SYCE3: variants seen among roughly 807,000 people sequenced by gnomAD.
SYCE3 encodes testis highly expressed gene 2 protein.
A neutral mutation model predicts 8.1 loss-of-function variants in SYCE3; 3 were observed. The ratio of observed to expected loss-of-function variants is 0.37; its 90% confidence interval spans 0.17 to 0.96. The LOEUF (loss-of-function observed/expected upper bound fraction) is 0.96, where lower values mean the gene tolerates loss of function less well. Ranked by LOEUF, SYCE3 falls within the 40% of genes least tolerant of loss-of-function variation. The pLI is 0.41. For synonymous variants in SYCE3, 36 were observed against 38.7 expected (o/e 0.93, Z 0.26); for missense variants, 83 against 110.0 (o/e 0.75, Z 1.10).
intron 1 of SYCE3, among the ~76,000 whole-genome samples, chr22:50,560,597 T>C (rs1438747529): frequency 6.6e-6 from 1 of 152,154 alleles, no homozygotes; most frequent in African/African-American, 2.4e-5. Flanking sequence ...ACAAAATGGA[T>C]TGTGTGTACA....
chr22:50,551,833 T>C lies in SYCE3; in HGVS notation c.110-431A>G, dbSNP rs752218484. ...AGTCCTGCAAGACCCAAACCTCATGTCACCTTATGTTCAGTGGCCTGGGAT... is the reference window on the plus strand; with the variant it reads ...AGTCCTGCAAGACCCAAACCTCATGCCACCTTATGTTCAGTGGCCTGGGAT... On this transcript the variant is annotated intron_variant, in intron 2 of 2. Coordinates refer to ENST00000406915, the MANE Select transcript of SYCE3 (RefSeq NM_001123225.3). Among the ~76,000 whole-genome samples the C allele has an allele frequency of 1.1e-3, 161 of 152,152 alleles. 1 individual carries two copies. The highest frequency in any genetic ancestry group is 9.6e-4 in the Non-Finnish European group (65 of 68,024).
intron 2 of SYCE3, among the ~76,000 whole-genome samples, 166 bp downstream of exon 2, chr22:50,556,131 C>G (rs2069858283): frequency 6.6e-6 from 1 of 152,170 alleles, no homozygotes; most frequent in Admixed American, 6.6e-5. Flanking sequence ...CTGATGTATT[C>G]TCTCTCCCTA....
At chr22:50,558,995 G>A (rs1313855734) in intron 1 of SYCE3, among the ~76,000 whole-genome samples, 1 of 152,166 alleles carries the variant, frequency 6.6e-6, no homozygotes, top group African/African-American at 2.4e-5. Context: ...TTCTCTTGAT[G>A]TTTTAACCTT....
intron 1 of SYCE3, among the ~76,000 whole-genome samples, chr22:50,556,709 AATGGTGAC>A (rs1242606353): frequency 2.0e-5 from 3 of 152,234 alleles, no homozygotes; most frequent in Non-Finnish European, 4.4e-5. Context: ...AGTCTGTCAT[AATGGTGAC>A]ATGGAATTTT....
At chr22:50,559,183 G>A (rs1290035600) in intron 1 of SYCE3, among the ~76,000 whole-genome samples, 3 of 151,692 alleles carry the variant, frequency 2.0e-5, no homozygotes, top group Admixed American at 2.0e-4. Context: ...CTGGAGTGCA[G>A]TGGCGTCATA....
At chr22:50,560,171 G>A (rs982607692) in intron 1 of SYCE3, among the ~76,000 whole-genome samples, 1 of 152,238 alleles carries the variant, frequency 6.6e-6, no homozygotes, top group South Asian at 2.1e-4. Context: ...TTTAAGTTGG[G>A]AGATATTACA....
chr22:50,558,850 C>T (rs1233452419), intron 1 of SYCE3, among the ~76,000 whole-genome samples: 1 of 152,222 alleles, frequency 6.6e-6, no homozygotes, highest in Non-Finnish European at 1.5e-5. Flanking sequence ...TGTCATCTGG[C>T]ATCTGTCTCT....
At chr22:50,551,638 T>C (rs1467676638) in intron 2 of SYCE3, among the ~76,000 whole-genome samples, 1 of 152,224 alleles carries the variant, frequency 6.6e-6, no homozygotes, top group Non-Finnish European at 1.5e-5. Flanking sequence ...AACTTCTGGA[T>C]ACACCAGACA....
At chr22:50,551,504 GC>G in intron 2 of SYCE3, 102 bp from the exon 3 acceptor site, 1 of 1,285,894 alleles carries the variant, frequency 7.8e-7, no homozygotes, top group Non-Finnish European at 1.1e-6. Flanking sequence ...GCATCTGGAG[GC>G]CCAGATCCTG....
intron 1 of SYCE3, among the ~76,000 whole-genome samples, chr22:50,558,344 TC>T (rs2069880753): frequency 6.6e-6 from 1 of 151,690 alleles, no homozygotes; most frequent in Admixed American, 6.6e-5. Context: ...GGCAGGAGAA[TC>T]GCTTGAACCC....
chr22:50,552,499 A>C (rs1009496582), intron 2 of SYCE3, among the ~76,000 whole-genome samples: 6 of 152,082 alleles, frequency 3.9e-5, no homozygotes, highest in African/African-American at 1.4e-4. Flanking sequence ...CTCTACTAAA[A>C]ATATAAAAAT....
At chr22:50,558,038 T>G (rs1489435505) in intron 1 of SYCE3, among the ~76,000 whole-genome samples, 1 of 152,208 alleles carries the variant, frequency 6.6e-6, no homozygotes, top group Non-Finnish European at 1.5e-5. Context: ...CTATTCCTAG[T>G]GTTCAGCTCA....
rs552687251 is a variant in SYCE3, at chr22:50,552,581, C to G, written c.110-1179G>C. Among the ~76,000 whole-genome samples the G allele has an allele frequency of 9.1e-4, 139 of 152,156 alleles. 1 individual carries two copies. Among genetic ancestry groups the G allele is most frequent in the Non-Finnish European group, 6.9e-4 (47 of 67,998 alleles). On this transcript the variant is annotated intron_variant, in intron 2 of 2. Transcript: ENST00000406915. ...GCTGAGGCAGGAGAATCGCTTGAAC[C>G]CAGAAGGTGGAGGTTATATATACAT...
intron 1 of SYCE3, among the ~76,000 whole-genome samples, chr22:50,560,536 A>T (rs534712262): frequency 6.8e-6 from 1 of 146,140 alleles, no homozygotes; most frequent in Non-Finnish European, 1.5e-5. Flanking sequence ...GTTTCAGGAG[A>T]GCCATAAAAG....
intron 1 of SYCE3, among the ~76,000 whole-genome samples, chr22:50,561,295 G>T (rs955956164): frequency 2.6e-5 from 4 of 152,086 alleles, no homozygotes; most frequent in African/African-American, 9.7e-5. Context: ...TGGAGGCTGG[G>T]CCGGAGTGGC....
intron 1 of SYCE3, among the ~76,000 whole-genome samples, chr22:50,560,872 A>AG (rs894751639): frequency 2.6e-5 from 4 of 152,142 alleles, no homozygotes; most frequent in African/African-American, 4.8e-5. Context: ...TAGGATGGCA[A>AG]GGGGGGGATT....
At chr22:50,559,188 G>A (rs889645096) in intron 1 of SYCE3, among the ~76,000 whole-genome samples, 5 of 151,464 alleles carry the variant, frequency 3.3e-5, no homozygotes, top group East Asian at 3.9e-4. Flanking sequence ...GTGCAGTGGC[G>A]TCATATCGGC....
intron 1 of SYCE3, among the ~76,000 whole-genome samples, chr22:50,560,604 T>C (rs906300342): frequency 6.6e-6 from 1 of 152,156 alleles, no homozygotes; most frequent in Non-Finnish European, 1.5e-5. Flanking sequence ...GGATTGTGTG[T>C]ACAGATTTAG....
At chr22:50,556,600 CA>C (rs910047092) in intron 1 of SYCE3, among the ~76,000 whole-genome samples, 195 bp from the exon 2 acceptor site, 1 of 152,218 alleles carries the variant, frequency 6.6e-6, no homozygotes, top group African/African-American at 2.4e-5. Context: ...GCATTCGGCA[CA>C]TATAAGTTGT....
Sources: gnomAD v4.1 joint callset for allele counts (sites outside exome capture counted in the v4.1 genomes callset) on GRCh38, gnomAD v4.1.1 for gene constraint, MANE v1.5 for transcripts, NCBI Gene and HGNC (gene_info 2026-07-23, HGNC 2026-07-21) for gene names.